The following SIL1 variants were observed in gnomAD, a reference collection of about 807,000 sequenced individuals.
SIL1 encodes the protein nucleotide exchange factor SIL1.
SIL1 carries 40 observed loss-of-function variants against 49.1 expected under a neutral mutation model. That is an observed-to-expected ratio of 0.81 (90% CI 0.63 to 1.06). SIL1 has a LOEUF of 1.06. Among genes scored for constraint, SIL1 ranks in the 50% least tolerant of loss-of-function variants. The pLI is 0.00. For synonymous variants in SIL1, 253 were observed against 250.8 expected, an observed-to-expected ratio of 1.01 and a Z score of -0.08; for missense variants, 500 against 572.6, an observed-to-expected ratio of 0.87 and a Z score of 1.29.
At chr5:139,017,709 C>T (rs1179096695) in intron 7 of SIL1, among the ~76,000 whole-genome samples, 2 of 152,058 alleles carry the variant, frequency 1.3e-5, no homozygotes, top group African/African-American at 2.4e-5. Context: ...CAAAAGCAGG[C>T]GGCTAGTTTG....
chr5:139,131,923 G>C (rs1307755778), intron 1 of SIL1, among the ~76,000 whole-genome samples: 1 of 152,110 alleles, frequency 6.6e-6, no homozygotes, highest in Non-Finnish European at 1.5e-5. Context: ...CTTGGCTGTG[G>C]GGAGAAAAAG....
Position 139,021,180 on chromosome 5 carries a change from G to T in SIL1, c.758C>A (p.Ala253Asp). ...CCATTATACTGCTCACCTGGAAAAGGCAGCGCCCAGCACAAACGCAGCATA... is the reference window on the plus strand; with the variant it reads ...CCATTATACTGCTCACCTGGAAAAGTCAGCGCCCAGCACAAACGCAGCATA... ...KEYAAFVLGA[A>D]FSSNPKVQVE... Residue 253 changes from alanine to aspartate, a missense_variant, in exon 7 of 10, where the codon GCC becomes GAC. Ala to Asp is a moderately radical substitution (Grantham distance 126). Coordinates refer to ENST00000394817, the MANE Select transcript of SIL1 (RefSeq NM_022464.5). 11 of 1,614,134 alleles carry T rather than the reference G, an allele frequency of 6.8e-6. No individual in the cohort carries two copies. The highest frequency in any genetic ancestry group is 9.3e-6 in the Non-Finnish European group (11 of 1,180,018).
intron 7 of SIL1, among the ~76,000 whole-genome samples, chr5:139,008,070 A>G (rs1228055298): frequency 2.0e-5 from 3 of 152,108 alleles, no homozygotes; most frequent in Admixed American, 6.5e-5. Context: ...GGTAGAATTC[A>G]GCTGTGAATC....
At chr5:139,021,106 A>G (rs1768515884) in intron 7 of SIL1, 65 bp downstream of exon 7, 1 of 1,606,790 alleles carries the variant, frequency 6.2e-7, no homozygotes, top group Admixed American at 1.7e-5. Flanking sequence ...ATTCAAGTGT[A>G]CCCTTCTTCC....
At chr5:139,198,161 C>G (rs1752317036) in intron 1 of SIL1, 108 bp downstream of exon 1, 1 of 152,288 alleles carries the variant, frequency 6.6e-6, no homozygotes, top group Non-Finnish European at 1.5e-5. Flanking sequence ...TGTGTGGGTC[C>G]CCAGAACACT....
chr5:139,173,593 G>A (rs1039426845), intron 1 of SIL1, among the ~76,000 whole-genome samples: 40 of 151,324 alleles, frequency 2.6e-4, no homozygotes, highest in African/African-American at 8.7e-4. Flanking sequence ...AAACTTACAC[G>A]GGACACAGCA....
chr5:139,070,264 T>C (rs1036808966), intron 3 of SIL1, among the ~76,000 whole-genome samples: 3 of 152,056 alleles, frequency 2.0e-5, no homozygotes, highest in African/African-American at 4.8e-5. Flanking sequence ...TTATTACATA[T>C]TCTAATTGTA....
intron 3 of SIL1, among the ~76,000 whole-genome samples, chr5:139,110,000 C>A (rs1285295148): frequency 4.0e-5 from 6 of 151,802 alleles, no homozygotes; most frequent in Non-Finnish European, 5.9e-5. Flanking sequence ...GAAACCCCGT[C>A]TCTACTAAAA....
intron 1 of SIL1, among the ~76,000 whole-genome samples, chr5:139,134,816 T>C (rs1291166887): frequency 4.6e-5 from 7 of 152,176 alleles, no homozygotes; most frequent in African/African-American, 1.7e-4. Flanking sequence ...AACTGAAGGT[T>C]AGAGGATGAG....
intron 9 of SIL1, among the ~76,000 whole-genome samples, chr5:138,949,892 C>T (rs2150376391): frequency 6.6e-6 from 1 of 152,002 alleles, no homozygotes; most frequent in Non-Finnish European, 1.5e-5. Context: ...AGCCCAAGTA[C>T]AGTGTGTCCT....
intron 3 of SIL1, among the ~76,000 whole-genome samples, chr5:139,118,715 T>G (rs1750536103): frequency 6.6e-6 from 1 of 152,158 alleles, no homozygotes; most frequent in Admixed American, 6.5e-5. Context: ...CAGAATGTGG[T>G]AAATTAAGTA....
At chr5:139,107,104 G>A (rs1770730796) in intron 3 of SIL1, among the ~76,000 whole-genome samples, 1 of 152,178 alleles carries the variant, frequency 6.6e-6, no homozygotes, top group South Asian at 2.1e-4. Flanking sequence ...CCCGCTGCAG[G>A]ATCTGATCTG....
intron 1 of SIL1, among the ~76,000 whole-genome samples, chr5:139,146,222 C>T (rs1326006177): frequency 2.0e-5 from 3 of 152,030 alleles, no homozygotes; most frequent in South Asian, 2.1e-4. Flanking sequence ...TTGTTAAAAC[C>T]GGACATTGGG....
intron 3 of SIL1, among the ~76,000 whole-genome samples, chr5:139,081,623 A>T (rs923158907): frequency 1.3e-5 from 2 of 152,196 alleles, no homozygotes; most frequent in African/African-American, 2.4e-5. Context: ...TCACACCTGT[A>T]ATCCCAGCAC....
At chr5:139,026,130 T>TC (rs1229098370) in intron 6 of SIL1, among the ~76,000 whole-genome samples, 1 of 152,220 alleles carries the variant, frequency 6.6e-6, no homozygotes, top group East Asian at 1.9e-4. Context: ...TATTCTTACA[T>TC]CACCCTCTGG....
chr5:138,964,525 A>T (rs1767092495), intron 7 of SIL1, among the ~76,000 whole-genome samples: 1 of 152,200 alleles, frequency 6.6e-6, no homozygotes, highest in Non-Finnish European at 1.5e-5. Flanking sequence ...TCCCCAAAAG[A>T]AAATGTTAAG....
chr5:139,035,772 C>T (rs1768893059), intron 5 of SIL1: 1 of 182,004 alleles, frequency 5.5e-6, no homozygotes, highest in South Asian at 1.1e-4. Context: ...CCTCAGCCTC[C>T]TGAGTAGCTG....
intron 7 of SIL1, among the ~76,000 whole-genome samples, chr5:139,000,938 G>T (rs1362587056): frequency 1.3e-5 from 2 of 151,410 alleles, no homozygotes; most frequent in Non-Finnish European, 2.9e-5. Context: ...ATAAACAAAA[G>T]ACTCTATGGG....
intron 5 of SIL1, among the ~76,000 whole-genome samples, chr5:139,040,616 A>G (rs1039110178): frequency 2.7e-5 from 4 of 148,248 alleles, no homozygotes; most frequent in Admixed American, 1.4e-4. Flanking sequence ...CTCCCACCTC[A>G]GCCTCTGGAC....
Sources: allele counts gnomAD v4.1 joint callset (sites outside exome capture counted in the v4.1 genomes callset), GRCh38; gene constraint gnomAD v4.1.1; transcripts MANE v1.5; gene names NCBI Gene and HGNC (gene_info 2026-07-23, HGNC 2026-07-21).